Variants in TTC7A observed in about 807,000 individuals in gnomAD.
TTC7A encodes the protein tetratricopeptide repeat protein 7A.
In TTC7A, 110 loss-of-function variants were observed where a neutral mutation model predicts 103.7. That is an observed-to-expected ratio of 1.06 (90% CI 0.91 to 1.24). TTC7A has a LOEUF of 1.24. Ranked by LOEUF, TTC7A falls within the 50% of genes most tolerant of loss-of-function variation. The pLI, the probability that TTC7A is intolerant of heterozygous loss-of-function variation, is 0.00. For missense variants in TTC7A, 1,340 were observed against 1,116.3 expected (o/e 1.20, Z -2.86); for synonymous variants, 521 against 467.9 (o/e 1.11, Z -1.47).
At chr2:47,032,839 T>C (rs1680702145) in intron 15 of TTC7A, among the ~76,000 whole-genome samples, 1 of 84,898 alleles carries the variant, frequency 1.2e-5, no homozygotes, top group African/African-American at 4.4e-5. Flanking sequence ...TGTAAGAGAA[T>C]AAATCTCTGT....
intron 8 of TTC7A, among the ~76,000 whole-genome samples, chr2:46,997,026 T>A (rs942045223): frequency 6.6e-6 from 1 of 152,138 alleles, no homozygotes; most frequent in Non-Finnish European, 1.5e-5. Context: ...TCGTTCAGAC[T>A]GGAGTGCAGT....
intron 2 of TTC7A, among the ~76,000 whole-genome samples, chr2:46,932,579 AAAAGAAAGAG>A (rs900051273): frequency 4.6e-4 from 70 of 152,146 alleles, no homozygotes; most frequent in Admixed American, 2.0e-3. Context: ...AAAGAGGAAG[AAAAGAAAGAG>A]AAAGAAAGAT....
chr2:46,974,487 T>G, intron 3 of TTC7A: 1 of 359,650 alleles, frequency 2.8e-6, no homozygotes, highest in South Asian at 2.1e-5. Flanking sequence ...GGCAGTCTCC[T>G]GGTGGGAAAG....
intron 12 of TTC7A, among the ~76,000 whole-genome samples, chr2:47,022,434 G>C (rs536811197): frequency 6.6e-6 from 1 of 152,194 alleles, no homozygotes; most frequent in African/African-American, 2.4e-5. Context: ...ATAGGGCTGG[G>C]TACGCAGCAG....
At chr2:46,994,180 T>G in intron 6 of TTC7A, 177 bp from the exon 7 acceptor site, 1 of 667,582 alleles carries the variant, frequency 1.5e-6, no homozygotes, top group Non-Finnish European at 2.6e-6. Context: ...GGAGCGCCAG[T>G]GTTGGAGGGA....
Position 47,006,043 on chromosome 2 carries a change from A to T in TTC7A, c.1187A>T (p.Tyr396Phe). 6.2e-7 allele frequency: 1 copy of T among 1,613,792 alleles called. No individual in the cohort carries two copies. Among genetic ancestry groups the T allele is most frequent in the South Asian group, 1.1e-5 (1 of 91,058 alleles). ...LSITLGRRGQ[Y>F]VMLSECLERA... ...ATCACGTTGGGCAGAAGGGGACAGT[A>T]CGTCATGCTCTCGGAGGTACGGCCG... Residue 396 changes from tyrosine (Y) to phenylalanine (F), a missense_variant, in exon 9 of 20, where the codon TAC becomes TTC. Tyr to Phe is a conservative substitution (Grantham distance 22, BLOSUM62 3). Coordinates refer to ENST00000319190, the MANE Select transcript of TTC7A (RefSeq NM_020458.4).
intron 16 of TTC7A, among the ~76,000 whole-genome samples, 173 bp from the exon 17 acceptor site, chr2:47,049,776 T>C (rs1682686088): frequency 6.6e-6 from 1 of 152,086 alleles, no homozygotes; most frequent in Non-Finnish European, 1.5e-5. Flanking sequence ...TCTCTAGTGA[T>C]GTTGGTGACT....
rs149128549 is a variant in TTC7A at position 46,956,816 on chromosome 2, G to T, written c.349-23G>T. 4.0e-4 allele frequency: 640 copies of T among 1,613,000 alleles called. 2 individuals are homozygous for T. Among genetic ancestry groups the T allele is most frequent in the Non-Finnish European group, 5.2e-4 (613 of 1,179,146 alleles). On this transcript the variant is annotated intron_variant, in intron 2 of 19. Transcript: ENST00000319190. ...CAAGGTAACTTTGGGGCAGGCGCTG[G>T]TAACATGTCCTTGTCATTTCAGCCA...
intron 16 of TTC7A, among the ~76,000 whole-genome samples, 173 bp downstream of exon 16, chr2:47,046,604 C>G (rs1682347303): frequency 6.6e-6 from 1 of 152,220 alleles, no homozygotes; most frequent in African/African-American, 2.4e-5. Flanking sequence ...TTTGAACCTC[C>G]TGACAGTCCT....
At chr2:47,060,497 C>T (rs1683679319) in intron 18 of TTC7A, among the ~76,000 whole-genome samples, 1 of 152,170 alleles carries the variant, frequency 6.6e-6, no homozygotes, top group African/African-American at 2.4e-5. Context: ...ACAAAAAATG[C>T]TTGTTCTACA....
At chr2:47,026,367 G>C (rs905781982) in intron 14 of TTC7A, among the ~76,000 whole-genome samples, 1 of 152,182 alleles carries the variant, frequency 6.6e-6, no homozygotes, top group Non-Finnish European at 1.5e-5. Flanking sequence ...TGTCCTCCTC[G>C]TATGCTCCTT....
intron 15 of TTC7A, chr2:47,035,357 A>G (rs186594675): frequency 6.6e-6 from 1 of 152,338 alleles, no homozygotes; most frequent in African/African-American, 2.4e-5. Context: ...GACACCAGCC[A>G]TGGGGGAACC....
chr2:47,055,572 C>T (rs927582663), intron 18 of TTC7A, among the ~76,000 whole-genome samples: 5 of 152,162 alleles, frequency 3.3e-5, no homozygotes, highest in South Asian at 4.1e-4. Flanking sequence ...CCTTCATCCC[C>T]CATGACCCCC....
At chr2:46,958,703 G>A (rs750235831) in intron 3 of TTC7A, among the ~76,000 whole-genome samples, 15 of 152,280 alleles carry the variant, frequency 9.9e-5, no homozygotes, top group East Asian at 3.9e-4. Flanking sequence ...CCTGCTGCCC[G>A]GCATGCTGAG....
rs6729120 is a variant in TTC7A at position 46,917,490 on chromosome 2, A to G, written c.82+213A>G. The stretch of plus-strand genomic sequence containing the variant: ...CAATAACATTTCTTGAATATCTTCT[A>G]TGTACTAGGCGCTCTACTAGGAGCT... On this transcript the variant is annotated intron_variant, in intron 2 of 20. Transcript: ENST00000409245. Among the ~76,000 whole-genome samples, 9,028 of 152,186 alleles carry G rather than the reference A, an allele frequency of 0.059. 459 individuals are homozygous for G. Among genetic ancestry groups the G allele is most frequent in the African/African-American group, 0.13 (5,202 of 41,504 alleles).
chr2:46,920,649 G>T (rs1223800491), intron 2 of TTC7A, among the ~76,000 whole-genome samples: 3 of 136,322 alleles, frequency 2.2e-5, no homozygotes, highest in Non-Finnish European at 3.3e-5. Context: ...AGGCTTTTTT[G>T]AAAAAAAAAA....
intron 11 of TTC7A, among the ~76,000 whole-genome samples, chr2:47,016,944 ATCCCAGCACCT>A (rs1678721548): frequency 6.6e-6 from 1 of 151,656 alleles, no homozygotes; most frequent in Non-Finnish European, 1.5e-5. Context: ...CACACCTGTA[ATCCCAGCACCT>A]TGGGAGGCCG....
intron 15 of TTC7A, chr2:47,035,197 T>A (rs1181973070): frequency 6.6e-6 from 1 of 152,234 alleles, no homozygotes; most frequent in African/African-American, 2.4e-5. Context: ...TTTATTTGAT[T>A]GTTCTTATTA....
At chr2:47,038,629 T>TCCCCC (rs1558612925) in intron 15 of TTC7A, among the ~76,000 whole-genome samples, 1 of 86,940 alleles carries the variant, frequency 1.2e-5, no homozygotes. Flanking sequence ...TGCTGCCACT[T>TCCCCC]CCCACCCACC....
Sources: allele counts gnomAD v4.1 joint callset (sites outside exome capture counted in the v4.1 genomes callset), GRCh38; gene constraint gnomAD v4.1.1; transcripts MANE v1.5; gene names NCBI Gene and HGNC (gene_info 2026-07-23, HGNC 2026-07-21).